The following OR10D3 variants were observed in gnomAD, a reference collection of about 807,000 sequenced individuals.
The protein encoded by OR10D3 is olfactory receptor 10D3.
For synonymous variants in OR10D3, 100 were observed against 57.6 expected (o/e 1.74, Z -3.33); for missense variants, 286 against 153.7 (o/e 1.86, Z -4.55).
intron 1 of OR10D3, chr11:124,184,344 A>C (rs369135662): frequency 2.0e-5 from 3 of 152,190 alleles, no homozygotes; most frequent in African/African-American, 7.2e-5. Flanking sequence ...TGTTCTTTGC[A>C]CTGAGAGTAT....
At chr11:124,185,741 A>G (rs1393576109) in exon 2 of OR10D3, 1 of 703,592 alleles carries the variant, frequency 1.4e-6, no homozygotes, top group Admixed American at 2.0e-5. Context: ...TCATTCCAGT[A>G]TCTTGACCTC....
At chr11:124,185,352 T>C in exon 2 of OR10D3, 1 of 703,330 alleles carries the variant, frequency 1.4e-6, no homozygotes, top group East Asian at 2.7e-5. Context: ...ATGACACTTT[T>C]TGTCTTATTC....
chr11:124,185,663 T>C, exon 2 of OR10D3: 1 of 703,736 alleles, frequency 1.4e-6, no homozygotes, highest in Non-Finnish European at 2.6e-6. Flanking sequence ...TCCTCTGCGA[T>C]ACACAGTCAT....
chr11:124,187,684 A>G (rs967438327), exon 2 of OR10D3: 1 of 152,222 alleles, frequency 6.6e-6, no homozygotes, highest in Non-Finnish European at 1.5e-5. Flanking sequence ...GCTTCCTGCC[A>G]GAATTCTCTG....
intron 1 of OR10D3, among the ~76,000 whole-genome samples, chr11:124,184,460 A>G (rs956734719): frequency 2.6e-5 from 4 of 152,174 alleles, no homozygotes; most frequent in African/African-American, 7.2e-5. Flanking sequence ...AAGGAGGAGG[A>G]GGAACAACAT....
chr11:124,186,565 T>A (rs1243222185), exon 2 of OR10D3: 1 of 160,676 alleles, frequency 6.2e-6, no homozygotes, highest in Non-Finnish European at 1.3e-5. Context: ...GAGACAAACC[T>A]ATAGGGAAAG....
At chr11:124,186,782 A>G (rs1861231695) in exon 2 of OR10D3, 1 of 152,364 alleles carries the variant, frequency 6.6e-6, no homozygotes, top group Non-Finnish European at 1.5e-5. Flanking sequence ...AAACATTTTT[A>G]GGCAGATTGG....
chr11:124,185,297 A>G (rs760463061), exon 2 of OR10D3: 25 of 703,214 alleles, frequency 3.6e-5, no homozygotes, highest in South Asian at 3.4e-4. Flanking sequence ...CTGCATGGTG[A>G]CAGAGTTCAT....
chr11:124,186,366 C>T (rs889748701), exon 2 of OR10D3: 2 of 511,110 alleles, frequency 3.9e-6, no homozygotes, highest in Non-Finnish European at 6.8e-6. Context: ...TATCTTTTTG[C>T]AATATTTTAT....
exon 2 of OR10D3, chr11:124,188,076 C>G (rs763818856): frequency 6.6e-6 from 1 of 152,164 alleles, no homozygotes; most frequent in Non-Finnish European, 1.5e-5. Context: ...GATATTTTCT[C>G]CCACTCTTAT....
chr11:124,186,942 A>G (rs547622893), exon 2 of OR10D3: 12 of 152,364 alleles, frequency 7.9e-5, no homozygotes, highest in African/African-American at 1.9e-4. Flanking sequence ...GCTTGGGCCA[A>G]TGGCTTTCCA....
At chr11:124,186,869 C>A (rs1427748270) in exon 2 of OR10D3, 1 of 152,172 alleles carries the variant, frequency 6.6e-6, no homozygotes, top group African/African-American at 2.4e-5. Context: ...CATCTTGCTA[C>A]CAGCTATTAG....
chr11:124,186,570 G>C (rs1861229246), exon 2 of OR10D3: 1 of 157,988 alleles, frequency 6.3e-6, no homozygotes, highest in African/African-American at 2.5e-5. Flanking sequence ...AAACCTATAG[G>C]GAAAGGCAAT....
At chr11:124,185,408 G>T (rs1391363895) in exon 2 of OR10D3, 1 of 703,072 alleles carries the variant, frequency 1.4e-6, no homozygotes, top group Admixed American at 2.0e-5. Flanking sequence ...GTCTATCCTT[G>T]TTGCTGTTAT....
At chr11:124,185,588 C>G in exon 2 of OR10D3, 1 of 703,516 alleles carries the variant, frequency 1.4e-6, no homozygotes, top group Non-Finnish European at 2.6e-6. Context: ...CTTCCATTTC[C>G]TCGGGAGCAT....
At chr11:124,188,463 T>G (rs2137701602) in exon 2 of OR10D3, 1 of 152,336 alleles carries the variant, frequency 6.6e-6, no homozygotes, top group East Asian at 1.9e-4. Flanking sequence ...TCCACTTCTC[T>G]CGTTAGGAAG....
intron 1 of OR10D3, among the ~76,000 whole-genome samples, chr11:124,183,739 G>T (rs909389436): frequency 1.3e-5 from 2 of 151,926 alleles, no homozygotes; most frequent in Non-Finnish European, 2.9e-5. Context: ...TTTATGCTTT[G>T]TGTATCCAAT....
At chr11:124,185,882 C>T (rs2137699312) in exon 2 of OR10D3, 3 of 703,360 alleles carry the variant, frequency 4.3e-6, no homozygotes, top group Middle Eastern at 4.6e-4. Flanking sequence ...CAACGTTGGC[C>T]TCATATCTCT....
exon 2 of OR10D3, chr11:124,187,274 T>TG (rs1861237235): frequency 6.6e-6 from 1 of 152,206 alleles, no homozygotes; most frequent in East Asian, 1.9e-4. Context: ...ATCATTTCAT[T>TG]ACCTACCAAA....
Sources: allele counts gnomAD v4.1 joint callset (sites outside exome capture counted in the v4.1 genomes callset), GRCh38; gene constraint gnomAD v4.1.1; transcripts MANE v1.5; gene names NCBI Gene and HGNC (gene_info 2026-07-23, HGNC 2026-07-21).